Variants in IL1RAPL2 observed in about 807,000 individuals in gnomAD.
The protein encoded by IL1RAPL2 is interleukin 1 receptor accessory protein like 2.
A neutral mutation model predicts 44.1 loss-of-function variants in IL1RAPL2; 3 were observed. That is an observed-to-expected ratio of 0.07 (90% CI 0.03 to 0.18). The LOEUF is 0.18. Ranked by LOEUF, IL1RAPL2 falls within the 10% of genes least tolerant of loss-of-function variation. The pLI, the probability that IL1RAPL2 is intolerant of heterozygous loss-of-function variation, is 1.00. For synonymous variants in IL1RAPL2, 181 were observed against 178.8 expected, an observed-to-expected ratio of 1.01 and a Z score of -0.10; for missense variants, 391 against 496.4, an observed-to-expected ratio of 0.79 and a Z score of 2.02.
At chrX:105,072,546 A>C (rs1214589060) in intron 2 of IL1RAPL2, among the ~76,000 whole-genome samples, 1 of 111,179 alleles carries the variant, frequency 9.0e-6, no homozygotes, top group African/African-American at 3.3e-5. Context: ...AAATTTTGAT[A>C]GTGATGTGGA....
intron 2 of IL1RAPL2, among the ~76,000 whole-genome samples, chrX:104,815,757 AG>A (rs1457358406): frequency 9.1e-6 from 1 of 109,686 alleles, no homozygotes; most frequent in Non-Finnish European, 1.9e-5. Context: ...CTTTTCCCAG[AG>A]CTAATTGTTT....
chrX:105,174,457 A>G (rs1569397505), intron 2 of IL1RAPL2, among the ~76,000 whole-genome samples: 1 of 111,231 alleles, frequency 9.0e-6, no homozygotes, highest in Non-Finnish European at 1.9e-5. Flanking sequence ...CAGGGAGGGC[A>G]GGGAGGGTGG....
At chrX:105,190,083 CT>C (rs113872732) in intron 2 of IL1RAPL2, among the ~76,000 whole-genome samples, 6 of 111,952 alleles carry the variant, frequency 5.4e-5, no homozygotes, top group African/African-American at 1.9e-4. Context: ...GAGTCCCTCC[CT>C]CCCAAAGTTG....
intron 2 of IL1RAPL2, among the ~76,000 whole-genome samples, chrX:105,105,831 C>T (rs2032733810): frequency 8.9e-6 from 1 of 111,918 alleles, no homozygotes; most frequent in Admixed American, 9.5e-5. Context: ...GCCCCCAATT[C>T]GATATTTCAT....
chrX:105,468,889 C>A (rs1328750450), intron 5 of IL1RAPL2, among the ~76,000 whole-genome samples: 1 of 111,567 alleles, frequency 9.0e-6, no homozygotes, highest in Non-Finnish European at 1.9e-5. Flanking sequence ...TATTTCTTTT[C>A]AAAAATATCT....
intron 5 of IL1RAPL2, among the ~76,000 whole-genome samples, chrX:105,367,291 G>A (rs2035302341): frequency 9.0e-6 from 1 of 111,495 alleles, no homozygotes; most frequent in Non-Finnish European, 1.9e-5. Context: ...CAGTCACATA[G>A]TGTCTTTTGA....
At chrX:104,703,335 AG>A (rs1211261618) in intron 2 of IL1RAPL2, among the ~76,000 whole-genome samples, 1 of 111,907 alleles carries the variant, frequency 8.9e-6, no homozygotes, top group Non-Finnish European at 1.9e-5. Context: ...CTTTCTCACT[AG>A]GTCTCCTTTA....
At chrX:104,700,905 T>C (rs1931263853) in intron 2 of IL1RAPL2, among the ~76,000 whole-genome samples, 1 of 111,955 alleles carries the variant, frequency 8.9e-6, no homozygotes, top group South Asian at 3.7e-4. Flanking sequence ...CTGCTCTTAT[T>C]TGTGAATAAG....
intron 2 of IL1RAPL2, among the ~76,000 whole-genome samples, chrX:105,129,693 A>G (rs189839911): frequency 1.8e-4 from 20 of 110,821 alleles, no homozygotes; most frequent in East Asian, 1.1e-3. Flanking sequence ...GGCTGGGATT[A>G]AAGAATTCCT....
intron 2 of IL1RAPL2, among the ~76,000 whole-genome samples, chrX:105,079,344 A>G (rs2032366708): frequency 9.1e-6 from 1 of 109,618 alleles, no homozygotes; most frequent in South Asian, 4.0e-4. Flanking sequence ...ATTATAAATC[A>G]TTCTACTATA....
At chrX:105,186,932 G>A (rs2033593507) in intron 2 of IL1RAPL2, among the ~76,000 whole-genome samples, 1 of 111,748 alleles carries the variant, frequency 8.9e-6, no homozygotes. Context: ...CCCACAGTGT[G>A]AACATGCCTC....
chrX:105,444,364 ATT>A (rs2035940734), intron 5 of IL1RAPL2, among the ~76,000 whole-genome samples: 1 of 110,819 alleles, frequency 9.0e-6, no homozygotes, highest in Admixed American at 9.7e-5. Flanking sequence ...ACATTTGTTC[ATT>A]TTTGCGTTGG....
intron 6 of IL1RAPL2, among the ~76,000 whole-genome samples, chrX:105,658,660 C>G (rs2037693845): frequency 9.2e-6 from 1 of 108,997 alleles, no homozygotes; most frequent in African/African-American, 3.4e-5. Flanking sequence ...CCTGTCTCTA[C>G]TAAAAATACA....
intron 1 of IL1RAPL2, among the ~76,000 whole-genome samples, chrX:104,615,874 A>C (rs139484224): frequency 8.9e-6 from 1 of 112,078 alleles, no homozygotes; most frequent in South Asian, 3.7e-4. Context: ...TTTCTCTGCA[A>C]CCTCACCAGC....
intron 2 of IL1RAPL2, among the ~76,000 whole-genome samples, chrX:104,831,858 C>A (rs1193600923): frequency 9.0e-6 from 1 of 111,466 alleles, no homozygotes; most frequent in Non-Finnish European, 1.9e-5. Flanking sequence ...TTTAAAAAAC[C>A]TTTACTTTTA....
intron 2 of IL1RAPL2, among the ~76,000 whole-genome samples, chrX:104,858,564 C>T (rs753910564): frequency 8.9e-6 from 1 of 112,014 alleles, no homozygotes; most frequent in African/African-American, 3.2e-5. Flanking sequence ...TGCATTTACT[C>T]AAAGTTTTAG....
chrX:105,753,173 T>G (rs890395347), intron 9 of IL1RAPL2, among the ~76,000 whole-genome samples: 5 of 111,427 alleles, frequency 4.5e-5, no homozygotes, highest in Non-Finnish European at 7.5e-5. Context: ...TTAGTATGTT[T>G]GGAAGACAAA....
Position 105,166,671 on chromosome X carries a change from A to G in IL1RAPL2, c.83-28804A>G, listed in dbSNP as rs73245759. On this transcript the variant is annotated intron_variant, in intron 2 of 10. Coordinates refer to ENST00000372582, the MANE Select transcript of IL1RAPL2 (RefSeq NM_017416.2). ...TAAACGGTGAAAAGTCTTCTTAATC[A>G]TGGAGCTAGCTGTGCTCCATCCTGC... 3.3e-3 allele frequency among the ~76,000 whole-genome samples: 376 copies of G among 112,619 alleles called. 2 individuals are homozygous for G. The highest frequency in any genetic ancestry group is 5.4e-3 in the Non-Finnish European group (286 of 53,298).
intron 5 of IL1RAPL2, among the ~76,000 whole-genome samples, chrX:105,301,287 G>T (rs914615556): frequency 2.7e-4 from 30 of 111,355 alleles, no homozygotes; most frequent in African/African-American, 9.1e-4. Flanking sequence ...TAGGTACATG[G>T]TAGGTATATA....
Sources: allele counts gnomAD v4.1 joint callset (sites outside exome capture counted in the v4.1 genomes callset), GRCh38; gene constraint gnomAD v4.1.1; transcripts MANE v1.5; gene names NCBI Gene and HGNC (gene_info 2026-07-23, HGNC 2026-07-21).